Variants in SRPRA observed in about 807,000 individuals in gnomAD.
SRPRA encodes SRP receptor subunit alpha, also known as signal recognition particle receptor subunit alpha.
Under a neutral mutation model 61.1 loss-of-function variants are expected in SRPRA, and 30 were observed. The observed-to-expected ratio is 0.49, with a 90% CI of 0.37 to 0.67. The LOEUF is 0.67. Ranked by LOEUF, SRPRA falls within the 30% of genes least tolerant of loss-of-function variation. SRPRA has a pLI of 0.00. For synonymous variants in SRPRA, 324 were observed against 299.7 expected (o/e 1.08, Z -0.84); for missense variants, 759 against 828.4 (o/e 0.92, Z 1.03).
chr11:126,256,734 G>C, the SRPRA span: 4 of 1,614,106 alleles, frequency 2.5e-6, no homozygotes, highest in Middle Eastern at 3.3e-4. This position sits in a 1 kb window ranked among gnomAD's most constrained non-coding sequence, Gnocchi z 6.6. Flanking sequence ...AGTTCAAAAA[G>C]CTTCGAGAAA....
chr11:126,254,381 T>C, the SRPRA span: 16 of 1,614,134 alleles, frequency 9.9e-6, no homozygotes, highest in African/African-American at 4.0e-5. Flanking sequence ...CCTAGTGGCA[T>C]TGTCCTTCAT....
At chr11:126,257,903 G>A in the SRPRA span, among the ~76,000 whole-genome samples, 3 of 152,070 alleles carry the variant, frequency 2.0e-5, no homozygotes, top group African/African-American at 7.2e-5. Flanking sequence ...GTGGCTGCAG[G>A]CAAATTCCCA....
rs199665407 is a variant in SRPRA at position 126,265,143 on chromosome 11, G to A, written c.1341C>T (p.Phe447=). The change falls in exon 11 of 14, where the codon TTC becomes TTT. Residue 447 remains phenylalanine, a synonymous_variant. Coordinates refer to ENST00000332118, the MANE Select transcript of SRPRA (RefSeq NM_003139.4). The surrounding 1 kb of genome is among the most constrained non-coding windows in gnomAD (Gnocchi z 6.3). ...KISFWLLENG[F]SVLIAACDTF... ...TATCACAGGCAGCAATGAGGACACT[G>A]AAGCCATTCTCTAACAACCAGAAGG... 6.8e-6 allele frequency: 11 copies of A among 1,614,212 alleles called. No individual in the cohort carries two copies. Among genetic ancestry groups the A allele is most frequent in the Non-Finnish European group, 8.5e-6 (10 of 1,180,040 alleles).
chr11:126,247,857 CA>C, the SRPRA span, among the ~76,000 whole-genome samples: 81 of 125,012 alleles, frequency 6.5e-4, 1 homozygote, highest in African/African-American at 2.0e-3. Flanking sequence ...GACTCCATCT[CA>C]AAAAAAAAAT....
rs374490771 is a variant in SRPRA at position 126,263,891 on chromosome 11, G to A, written c.*25C>T. The stretch of plus-strand genomic sequence containing the variant: ...AAGAAGGGCTTGTGGGGAAAGCGGC[G>A]ATTTGGTATTGGGCAAGAGCCACGT... On this transcript the variant is annotated 3_prime_UTR_variant, in exon 14 of 14. Transcript: ENST00000332118. 192 of 1,611,684 alleles carry A rather than the reference G, an allele frequency of 1.2e-4. No individual in the cohort carries two copies. Among genetic ancestry groups the A allele is most frequent in the Middle Eastern group, 1.7e-4 (1 of 5,794 alleles).
chr11:126,245,626 C>T, the SRPRA span, among the ~76,000 whole-genome samples: 8 of 151,416 alleles, frequency 5.3e-5, no homozygotes, highest in Middle Eastern at 3.4e-3. Flanking sequence ...CCCAGGAGTT[C>T]GAGGCTGCAA....
chr11:126,239,982 G>A, the SRPRA span, among the ~76,000 whole-genome samples: 2 of 152,274 alleles, frequency 1.3e-5, no homozygotes, highest in Admixed American at 6.5e-5. Flanking sequence ...AGACAAAAAG[G>A]TTGGGGAGAA....
At chr11:126,249,060 A>G in the SRPRA span, among the ~76,000 whole-genome samples, 1 of 152,206 alleles carries the variant, frequency 6.6e-6, no homozygotes, top group Non-Finnish European at 1.5e-5. Flanking sequence ...AAAAGCAGTT[A>G]TTTAAGTAAG....
At position 126,263,824 on chromosome 11, in the gene SRPRA, G is replaced by A. The variant is rs924444880; in HGVS notation, c.*92C>T. The A allele has an allele frequency of 8.4e-6, 13 of 1,546,668 alleles. No individual in the cohort carries two copies. The highest frequency in any genetic ancestry group is 1.9e-5 in the Admixed American group (1 of 53,868). On this transcript the variant is annotated 3_prime_UTR_variant, in exon 14 of 14. Transcript: ENST00000332118. Reference sequence around the variant, plus strand: ...CACTCTGCCTTTGTACTACACTGAAGACAGGTTGCTCACATACTCTAAAGC... The same window carrying A: ...CACTCTGCCTTTGTACTACACTGAAAACAGGTTGCTCACATACTCTAAAGC...
Position 126,264,850 on chromosome 11 carries a change from T to C in SRPRA, c.1525+109A>G, listed in dbSNP as rs954002556. ...TAACTGATCTGACTTTTTACTGTAA[T>C]TGACCAACGAGTCTGTAGTAGCACA... On this transcript the variant is annotated intron_variant, in intron 11 of 13. Coordinates refer to ENST00000332118, the MANE Select transcript of SRPRA (RefSeq NM_003139.4). The surrounding 1 kb of genome is among the most constrained non-coding windows in gnomAD (Gnocchi z 5.0). 37 of 1,085,078 alleles carry C rather than the reference T, an allele frequency of 3.4e-5. No homozygotes were observed. The African/African-American group carries it at 5.6e-4, about 16-fold the overall frequency. The allele number at this position is 1,085,078 out of a possible 1,614,324, so 67.2% of individuals were successfully genotyped here.
downstream of SRPRA, among the ~76,000 whole-genome samples, chr11:126,261,930 C>T (rs1950709654): frequency 6.6e-6 from 1 of 152,156 alleles, no homozygotes; most frequent in Admixed American, 6.5e-5. Context: ...GATTGTGCCA[C>T]TGCATTTGAG....
At chr11:126,242,568 C>T in the SRPRA span, among the ~76,000 whole-genome samples, 1 of 152,120 alleles carries the variant, frequency 6.6e-6, no homozygotes, top group Non-Finnish European at 1.5e-5. Context: ...TTTAAAATAA[C>T]GATGTAGTTG....
At chr11:126,237,718 G>A in the SRPRA span, among the ~76,000 whole-genome samples, 3 of 145,486 alleles carry the variant, frequency 2.1e-5, no homozygotes, top group African/African-American at 5.0e-5. Context: ...TTAGCGGGGC[G>A]TGGTGGCGCG....
At chr11:126,261,447 G>A (rs1950696361), downstream of SRPRA, 2 of 1,613,902 alleles carry the variant, frequency 1.2e-6, no homozygotes, top group Admixed American at 3.3e-5. Flanking sequence ...GAGAAGGTCA[G>A]CTAAATGGCT....
At position 126,264,479 on chromosome 11, in the gene SRPRA, G is replaced by A. The variant is rs760164764; in HGVS notation, c.1586C>T (p.Ala529Val). 17 of 1,613,964 alleles carry A rather than the reference G, an allele frequency of 1.1e-5. No individual in the cohort carries two copies. The South Asian group carries it at 1.9e-4, about 18-fold the overall frequency. The change falls in exon 12 of 14, where the codon GCC becomes GTC. Residue 529 changes from alanine to valine, a missense_variant. This residue lies in a region of SRPRA where 284 missense variants were observed against 365.9 expected (regional missense o/e 0.78). Transcript: ENST00000332118. The surrounding 1 kb of genome is among the most constrained non-coding windows in gnomAD (Gnocchi z 5.0). Reference protein sequence around the residue: ...VDTAGRMQDNAPLMTALAKLI... With the variant: ...VDTAGRMQDNVPLMTALAKLI... ...TTTGGCCAGGGCAGTCATCAGAGGG[G>A]CATTGTCTTGCATGCGGCCTGCCGT...
the SRPRA span, among the ~76,000 whole-genome samples, chr11:126,246,947 G>GA: frequency 6.6e-6 from 1 of 151,994 alleles, no homozygotes; most frequent in African/African-American, 2.4e-5. Context: ...TGCTTTAAGA[G>GA]AAAAAAACTT....
chr11:126,264,745 C>T lies in SRPRA; in HGVS notation c.1526-206G>A, dbSNP rs1950772737. On this transcript the variant is annotated intron_variant, in intron 11 of 13. Transcript: ENST00000332118. This position sits in a 1 kb window ranked among gnomAD's most constrained non-coding sequence, Gnocchi z 5.0. ...AAGGAGGACAACAGGATGAAGGTGACCAAATTCAGGTTTCTCTGGTTAAGG... is the reference window on the plus strand; with the variant it reads ...AAGGAGGACAACAGGATGAAGGTGATCAAATTCAGGTTTCTCTGGTTAAGG... 2 of 764,832 alleles carry T rather than the reference C, an allele frequency of 2.6e-6. No homozygotes were observed. The highest frequency in any genetic ancestry group is 4.1e-6 in the Non-Finnish European group (2 of 488,294). The allele number at this position is 764,832 out of a possible 1,614,324, so 47.4% of individuals were successfully genotyped here. A position where few individuals can be genotyped will look rare whatever the true frequency, so the allele number is the denominator to read the frequency against.
chr11:126,237,574 C>T, the SRPRA span, among the ~76,000 whole-genome samples: 5 of 140,688 alleles, frequency 3.6e-5, no homozygotes, highest in Non-Finnish European at 6.2e-5. Context: ...CGGTGGCTCA[C>T]GCCTGTCATC....
downstream of SRPRA, among the ~76,000 whole-genome samples, chr11:126,261,831 A>T (rs1274385627): frequency 6.6e-6 from 1 of 152,168 alleles, no homozygotes; most frequent in Non-Finnish European, 1.5e-5. Context: ...TCTACAAAAA[A>T]AATTTTTTTA....
Sources: allele counts gnomAD v4.1 joint callset (sites outside exome capture counted in the v4.1 genomes callset), GRCh38; gene constraint gnomAD v4.1.1; regional missense constraint gnomAD v4.1.1; non-coding constraint Gnocchi (gnomAD v3.1); transcripts MANE v1.5; gene names NCBI Gene and HGNC (gene_info 2026-07-23, HGNC 2026-07-21).